CCDC102B: variants seen among roughly 807,000 people sequenced by gnomAD.
The protein encoded by CCDC102B is coiled-coil domain-containing protein 102B.
CCDC102B carries 75 observed loss-of-function variants against 57.4 expected under a neutral mutation model. That is an observed-to-expected ratio of 1.31 (90% CI 1.08 to 1.58). CCDC102B has a LOEUF of 1.58. Among genes scored for constraint, CCDC102B ranks in the 40% most tolerant of loss-of-function variants. CCDC102B has a pLI of 0.00. For synonymous variants in CCDC102B, 206 were observed against 201.9 expected (o/e 1.02, Z -0.17); for missense variants, 636 against 582.6 (o/e 1.09, Z -0.94).
At chr18:68,976,939 T>C (rs2145278376) in intron 6 of CCDC102B, among the ~76,000 whole-genome samples, 1 of 152,140 alleles carries the variant, frequency 6.6e-6, no homozygotes, top group South Asian at 2.1e-4. Context: ...ATTGGATTTT[T>C]ACATCACTGA....
intron 7 of CCDC102B, among the ~76,000 whole-genome samples, chr18:69,052,683 T>G (rs1332400164): frequency 3.9e-5 from 6 of 151,900 alleles, no homozygotes; most frequent in African/African-American, 1.4e-4. Flanking sequence ...GCATCCATTA[T>G]TAACCAGAAA....
At chr18:68,896,068 T>A (rs1045542514) in intron 5 of CCDC102B, among the ~76,000 whole-genome samples, 1 of 151,988 alleles carries the variant, frequency 6.6e-6, no homozygotes, top group Non-Finnish European at 1.5e-5. Context: ...TACATTGGGG[T>A]AGATGAAGTT....
chr18:69,052,803 GCAT>G (rs1414462250), intron 7 of CCDC102B, among the ~76,000 whole-genome samples: 3 of 151,696 alleles, frequency 2.0e-5, no homozygotes, highest in African/African-American at 7.3e-5. Context: ...TTTTAAAAAT[GCAT>G]CTGTACTGAA....
chr18:68,808,633 A>T (rs537134907), intron 1 of CCDC102B, among the ~76,000 whole-genome samples: 230 of 151,436 alleles, frequency 1.5e-3, no homozygotes, highest in African/African-American at 5.4e-3. Flanking sequence ...GCCCGCCACC[A>T]CGCCCGGATA....
At chr18:68,998,999 TAG>T (rs60271182) in intron 6 of CCDC102B, among the ~76,000 whole-genome samples, 80 of 43,296 alleles carry the variant, frequency 1.8e-3, no homozygotes, top group East Asian at 0.017. Flanking sequence ...TATATATATA[TAG>T]AGAGAGAGAG....
At chr18:68,998,991 TATATATATAGAGAGAGAGAGAGAGAGAG>T (rs1257675920) in intron 6 of CCDC102B, among the ~76,000 whole-genome samples, 3 of 70,072 alleles carry the variant, frequency 4.3e-5, no homozygotes, top group South Asian at 1.1e-3. Context: ...TATATATATA[TATATATATAGAGAGAGAGAGAGAGAGAG>T]AGAGAGAGAG....
rs572411524 is a variant in CCDC102B, at chr18:68,875,021, C to G, written c.1053+236C>G. On this transcript the variant is annotated intron_variant, in intron 5 of 7. Transcript: ENST00000360242. ...ATGAAATATTTGACTATGAAACTATCTTATAGCCAATACAAGTCTTACTGT... is the reference window on the plus strand; with the variant it reads ...ATGAAATATTTGACTATGAAACTATGTTATAGCCAATACAAGTCTTACTGT... The G allele has an allele frequency of 8.9e-5, 27 of 301,860 alleles. No homozygotes were observed. In the South Asian group the frequency reaches 1.9e-3, roughly 22 times the overall value. 18.7% of individuals were successfully genotyped at this position (301,860 alleles called of 1,614,324 possible).
rs1003769855 is a variant in CCDC102B, at chr18:69,054,025, T to G, written c.1435-5T>G. ...TAACTAAAGCATTTTCTACTTCGCTTTCAGCTTGATGATTCCCTGAATCAG... is the reference window on the plus strand; with the variant it reads ...TAACTAAAGCATTTTCTACTTCGCTGTCAGCTTGATGATTCCCTGAATCAG... On this transcript the variant is annotated splice_region_variant and splice_polypyrimidine_tract_variant and intron_variant, in intron 7 of 7. Coordinates refer to ENST00000360242, the MANE Select transcript of CCDC102B (RefSeq NM_024781.3). 2 of 1,598,496 alleles carry G rather than the reference T, an allele frequency of 1.3e-6. No individual in the cohort carries two copies. Among genetic ancestry groups the G allele is most frequent in the Admixed American group, 1.8e-5 (1 of 55,294 alleles).
At chr18:68,942,254 T>C (rs917412969) in intron 6 of CCDC102B, among the ~76,000 whole-genome samples, 1 of 152,094 alleles carries the variant, frequency 6.6e-6, no homozygotes, top group Non-Finnish European at 1.5e-5. Flanking sequence ...AGAAAGTTGC[T>C]GATAGGATCA....
chr18:68,830,707 T>TTTGTATTGAGACTTATGTATGACA (rs1267811850), intron 1 of CCDC102B, among the ~76,000 whole-genome samples: 3 of 145,910 alleles, frequency 2.1e-5, no homozygotes, highest in Non-Finnish European at 4.4e-5. Context: ...CATAATCTCT[T>TTTGTATTGAGACTTATGTATGACA]TAAGTCTCAA....
intron 7 of CCDC102B, among the ~76,000 whole-genome samples, chr18:69,025,223 T>C (rs893374130): frequency 6.6e-6 from 1 of 152,206 alleles, no homozygotes; most frequent in African/African-American, 2.4e-5. Context: ...ATATGTACAC[T>C]AATTTATTTT....
chr18:68,922,208 G>A (rs1444840823), intron 6 of CCDC102B, among the ~76,000 whole-genome samples: 1 of 152,134 alleles, frequency 6.6e-6, no homozygotes, highest in East Asian at 1.9e-4. Flanking sequence ...CCTGAACAGT[G>A]TTAATTAAGA....
At chr18:69,023,332 TAAAA>T (rs937415445) in intron 7 of CCDC102B, among the ~76,000 whole-genome samples, 1 of 152,046 alleles carries the variant, frequency 6.6e-6, no homozygotes, top group South Asian at 2.1e-4. Flanking sequence ...AGAATGTAAG[TAAAA>T]AAACAGTATC....
chr18:68,861,168 G>C (rs2038735233), intron 4 of CCDC102B, among the ~76,000 whole-genome samples: 1 of 151,970 alleles, frequency 6.6e-6, no homozygotes, highest in Non-Finnish European at 1.5e-5. Context: ...CAAGTAAAGG[G>C]AAGTCAGGGG....
At chr18:68,861,298 T>A (rs1194460694) in intron 4 of CCDC102B, among the ~76,000 whole-genome samples, 7 of 15,000 alleles carry the variant, frequency 4.7e-4, no homozygotes, top group African/African-American at 1.7e-3. Flanking sequence ...AGTTTAAATG[T>A]TTTTTTTTTC....
chr18:68,858,719 A>C (rs1208438909), intron 4 of CCDC102B, among the ~76,000 whole-genome samples: 1 of 152,174 alleles, frequency 6.6e-6, no homozygotes, highest in Non-Finnish European at 1.5e-5. Flanking sequence ...ACTGGCACCC[A>C]TTGAAGTGAG....
intron 7 of CCDC102B, among the ~76,000 whole-genome samples, chr18:69,045,275 C>T (rs1007477517): frequency 6.6e-6 from 1 of 151,854 alleles, no homozygotes; most frequent in African/African-American, 2.4e-5. Context: ...CAAATGACAA[C>T]AAAAATATAA....
At chr18:68,907,867 T>G (rs1446053344) in intron 6 of CCDC102B, among the ~76,000 whole-genome samples, 1 of 152,228 alleles carries the variant, frequency 6.6e-6, no homozygotes, top group African/African-American at 2.4e-5. Flanking sequence ...TTGGGGCTCA[T>G]CTTAGGGGGA....
intron 2 of CCDC102B, among the ~76,000 whole-genome samples, chr18:68,765,787 T>A (rs1215998226): frequency 6.6e-6 from 1 of 152,150 alleles, no homozygotes; most frequent in East Asian, 1.9e-4. Context: ...ATATTTAATA[T>A]AACATATATG....
Sources: gnomAD v4.1 joint callset for allele counts (sites outside exome capture counted in the v4.1 genomes callset) on GRCh38, gnomAD v4.1.1 for gene constraint, MANE v1.5 for transcripts, NCBI Gene and HGNC (gene_info 2026-07-23, HGNC 2026-07-21) for gene names.